Variants in FAR2 observed in about 807,000 individuals in gnomAD.
FAR2 encodes epididymis secretory protein Li 81.
Under a neutral mutation model 56.0 loss-of-function variants are expected in FAR2, and 19 were observed. The ratio of observed to expected loss-of-function variants is 0.34; its 90% CI spans 0.24 to 0.50. The LOEUF (loss-of-function observed/expected upper bound fraction) is 0.50. Ranked by LOEUF, FAR2 falls within the 20% of genes least tolerant of loss-of-function variation. The pLI is 0.98. For missense variants in FAR2, 508 were observed against 642.2 expected, an observed-to-expected ratio of 0.79 and a Z score of 2.26; for synonymous variants, 219 against 218.8, an observed-to-expected ratio of 1.00 and a Z score of -0.01.
chr12:29,173,664 AG>A (rs1326506958), intron 1 of FAR2, among the ~76,000 whole-genome samples: 5 of 152,116 alleles, frequency 3.3e-5, no homozygotes, highest in Non-Finnish European at 7.4e-5. Context: ...CCAATAGCTT[AG>A]GATGCATTTC....
chr12:29,317,378 ACATGGGTCC>A (rs1214777294), intron 9 of FAR2, among the ~76,000 whole-genome samples: 1 of 152,198 alleles, frequency 6.6e-6, no homozygotes, highest in Non-Finnish European at 1.5e-5. Flanking sequence ...TTGTGTTTAG[ACATGGGTCC>A]CATCCCCAAG....
chr12:29,184,167 C>T (rs1950016475), intron 1 of FAR2, among the ~76,000 whole-genome samples: 1 of 152,122 alleles, frequency 6.6e-6, no homozygotes, highest in Admixed American at 6.5e-5. Context: ...GATTTTTCTC[C>T]TCTATAAAGG....
At chr12:29,284,873 G>A (rs971106178) in intron 2 of FAR2, among the ~76,000 whole-genome samples, 3 of 146,996 alleles carry the variant, frequency 2.0e-5, no homozygotes, top group Admixed American at 6.8e-5. Flanking sequence ...ATGGAGTCTC[G>A]CTCTGTCGCC....
rs559669594 is a variant in FAR2, at chr12:29,256,835, C to T, written c.-38-13577C>T. Among the ~76,000 whole-genome samples the T allele has an allele frequency of 1.1e-4, 16 of 152,370 alleles. No individual in the cohort carries two copies. In the East Asian group the frequency reaches 2.1e-3, roughly 20 times the overall value. Reference sequence around the variant, plus strand: ...GGGTCCCCCAGCAGTGCCAGCCCAACGGCGCTGCACTGGATTTCTCACCGG... The same window carrying T: ...GGGTCCCCCAGCAGTGCCAGCCCAATGGCGCTGCACTGGATTTCTCACCGG... On this transcript the variant is annotated intron_variant, in intron 1 of 11. Transcript: ENST00000536681.
chr12:29,304,633 C>A lies in FAR2; in HGVS notation c.546-3025C>A, dbSNP rs6487806. 2.8e-3 allele frequency among the ~76,000 whole-genome samples: 431 copies of A among 152,212 alleles called. 5 individuals carry two copies. The highest frequency in any genetic ancestry group is 9.2e-3 in the African/African-American group (384 of 41,532). The stretch of plus-strand genomic sequence containing the variant: ...CTCTTGGTAATTCATTCAGTAAATA[C>A]ATAAATAAACCATTAATGATATAAT... On this transcript the variant is annotated intron_variant, in intron 4 of 11. Coordinates refer to ENST00000536681, the MANE Select transcript of FAR2 (RefSeq NM_001271783.2).
At chr12:29,247,710 A>G (rs1237932868) in intron 1 of FAR2, among the ~76,000 whole-genome samples, 1 of 152,210 alleles carries the variant, frequency 6.6e-6, no homozygotes, top group Non-Finnish European at 1.5e-5. Context: ...GGAAATAGAA[A>G]TTTCCAACTT....
chr12:29,253,623 T>C (rs1027387659), intron 1 of FAR2, among the ~76,000 whole-genome samples: 1 of 152,164 alleles, frequency 6.6e-6, no homozygotes, highest in African/African-American at 2.4e-5. Context: ...TGGGTTTTAA[T>C]AGATCAACCA....
chr12:29,231,625 T>G (rs1013434270), intron 1 of FAR2, among the ~76,000 whole-genome samples: 1 of 152,070 alleles, frequency 6.6e-6, no homozygotes, highest in Non-Finnish European at 1.5e-5. Context: ...AGGGAAAGGA[T>G]AGTTAATCAT....
Position 29,160,822 on chromosome 12 carries a change from A to AC in FAR2, c.-39+11424dup, listed in dbSNP as rs201321777. Among the ~76,000 whole-genome samples the AC allele has an allele frequency of 3.0e-3, 435 of 145,408 alleles. 1 individual carries two copies. Among genetic ancestry groups the AC allele is most frequent in the African/African-American group, 6.1e-3 (240 of 39,404 alleles). Reference sequence around the variant, plus strand: ...AGACATCCATCATATGGGATTAGGGACCCCCCCCCACTCCAGTATGACCTC... The same window carrying AC: ...AGACATCCATCATATGGGATTAGGGACCCCCCCCCCACTCCAGTATGACCTC... On this transcript the variant is annotated intron_variant, in intron 1 of 11. Coordinates refer to ENST00000536681, the MANE Select transcript of FAR2 (RefSeq NM_001271783.2).
intron 4 of FAR2, among the ~76,000 whole-genome samples, chr12:29,304,686 A>G (rs1318224124): frequency 1.3e-5 from 2 of 152,228 alleles, no homozygotes; most frequent in Non-Finnish European, 2.9e-5. Flanking sequence ...TTTGAAACCA[A>G]AATTGATAAT....
intron 5 of FAR2, chr12:29,308,064 T>A (rs1591954306): frequency 1.2e-5 from 5 of 402,684 alleles, no homozygotes; most frequent in Non-Finnish European, 2.2e-5. Context: ...GACGGAGAGC[T>A]TAAATTAGCT....
intron 1 of FAR2, among the ~76,000 whole-genome samples, chr12:29,257,271 C>A (rs1948334953): frequency 1.3e-5 from 2 of 152,038 alleles, no homozygotes; most frequent in African/African-American, 4.8e-5. Flanking sequence ...TCTAGCTACT[C>A]TGGTGGGGCC....
intron 2 of FAR2, among the ~76,000 whole-genome samples, chr12:29,283,496 A>G (rs1455491281): frequency 1.3e-5 from 2 of 152,220 alleles, no homozygotes; most frequent in African/African-American, 2.4e-5. Context: ...GTAGTAAATA[A>G]ATCAGAATAA....
chr12:29,321,677 GA>G, intron 9 of FAR2, 117 bp from the exon 10 acceptor site: 1 of 1,154,854 alleles, frequency 8.7e-7, no homozygotes, highest in East Asian at 2.7e-5. Flanking sequence ...GAATTTTAAT[GA>G]GGAGTGGTAG....
chr12:29,282,563 TC>T (rs968292752), intron 2 of FAR2, among the ~76,000 whole-genome samples: 2 of 112,054 alleles, frequency 1.8e-5, no homozygotes, highest in African/African-American at 8.5e-5. Flanking sequence ...ACTACAGTGT[TC>T]CTGAAGGTAA....
At chr12:29,185,885 C>T (rs913091478) in intron 1 of FAR2, among the ~76,000 whole-genome samples, 8 of 152,144 alleles carry the variant, frequency 5.3e-5, no homozygotes, top group African/African-American at 1.7e-4. Flanking sequence ...AACCTCTCAA[C>T]CTCCCCCTGC....
At chr12:29,264,829 T>G (rs1317252718) in intron 1 of FAR2, among the ~76,000 whole-genome samples, 1 of 150,838 alleles carries the variant, frequency 6.6e-6, no homozygotes, top group East Asian at 1.9e-4. Flanking sequence ...TTCAGTAAAG[T>G]TGCAAGATAC....
At chr12:29,327,447 T>A (rs575288146) in intron 10 of FAR2, among the ~76,000 whole-genome samples, 3 of 152,106 alleles carry the variant, frequency 2.0e-5, no homozygotes, top group Admixed American at 6.5e-5. Context: ...CATTGCCAAG[T>A]CAATCCTAAA....
At chr12:29,257,816 G>GT (rs1214473551) in intron 1 of FAR2, among the ~76,000 whole-genome samples, 1 of 152,122 alleles carries the variant, frequency 6.6e-6, no homozygotes, top group Non-Finnish European at 1.5e-5. Context: ...TTTAAGAACT[G>GT]TAACACTCAC....
Sources: gnomAD v4.1 joint callset for allele counts (sites outside exome capture counted in the v4.1 genomes callset) on GRCh38, gnomAD v4.1.1 for gene constraint, MANE v1.5 for transcripts, NCBI Gene and HGNC (gene_info 2026-07-23, HGNC 2026-07-21) for gene names.